PRKAR1B: variants seen among roughly 807,000 people sequenced by gnomAD.
PRKAR1B encodes protein kinase cAMP-dependent type I regulatory subunit beta, also known as cAMP-dependent protein kinase type I-beta regulatory subunit.
Under a neutral mutation model 46.5 loss-of-function variants are expected in PRKAR1B, and 22 were observed. That is an observed-to-expected ratio of 0.47 (90% CI 0.34 to 0.68). The LOEUF (loss-of-function observed/expected upper bound fraction) is 0.68. PRKAR1B is among the 30% of genes least tolerant of loss of function. PRKAR1B has a pLI of 0.01. For synonymous variants in PRKAR1B, 259 were observed against 217.7 expected (o/e 1.19, Z -1.67); for missense variants, 445 against 535.6 (o/e 0.83, Z 1.67).
chr7:605,088 C>G (rs1781935489), intron 6 of PRKAR1B, among the ~76,000 whole-genome samples: 1 of 152,220 alleles, frequency 6.6e-6, no homozygotes, highest in African/African-American at 2.4e-5. Context: ...TGCTGATGCC[C>G]ACTGGGAAGT....
intron 4 of PRKAR1B, among the ~76,000 whole-genome samples, chr7:659,970 G>C (rs1051205088): frequency 6.6e-6 from 1 of 152,024 alleles, no homozygotes; most frequent in Admixed American, 6.5e-5. Flanking sequence ...CCAGTGAGCA[G>C]AAAATGTTTG....
intron 8 of PRKAR1B, among the ~76,000 whole-genome samples, chr7:581,876 C>T (rs1014112535): frequency 6.6e-6 from 1 of 152,050 alleles, no homozygotes; most frequent in Non-Finnish European, 1.5e-5. Context: ...CCACCACACC[C>T]GGCTAACTTT....
At chr7:661,976 G>A (rs866785252) in intron 4 of PRKAR1B, among the ~76,000 whole-genome samples, 70 of 65,114 alleles carry the variant, frequency 1.1e-3, no homozygotes, top group Admixed American at 2.2e-3. Context: ...ACCCCAACGG[G>A]TCCAAATACC....
intron 4 of PRKAR1B, among the ~76,000 whole-genome samples, chr7:663,724 C>T (rs541684164): frequency 4.6e-5 from 7 of 152,270 alleles, no homozygotes; most frequent in East Asian, 3.9e-4. Flanking sequence ...CAGATCCTCA[C>T]CTGGAACTTG....
Position 551,345 on chromosome 7 carries a change from G to C in PRKAR1B, c.973+44C>G, listed in dbSNP as rs371575744. On this transcript the variant is annotated intron_variant, in intron 10 of 10. Coordinates refer to ENST00000537384, the MANE Select transcript of PRKAR1B (RefSeq NM_001164760.2). ...AGGCCCCTCCCGAGACCCCAAATGA[G>C]ATGGCCACAGCCGTGCGAGGGAGGG... The C allele has an allele frequency of 2.5e-4, 390 of 1,535,080 alleles. 1 individual carries two copies. In the African/African-American group the frequency reaches 5.0e-3, roughly 20 times the overall value.
At position 550,476 on chromosome 7, in the gene PRKAR1B, T is replaced by C. The variant is rs1167223035; in HGVS notation, c.1100A>G (p.Lys367Arg). The change falls in exon 11 of 11, where the codon AAG becomes AGG. Residue 367 changes from lysine (K) to arginine (R), a missense_variant. This residue lies in a region of PRKAR1B where 127 missense variants were observed against 138.0 expected (regional missense o/e 0.92). Coordinates refer to ENST00000537384, the MANE Select transcript of PRKAR1B (RefSeq NM_001164760.2). ...GCTGTTGTAACGCTGAATGTTCCTC[T>C]TGAGGATCTCAGAGCAGGGCCCCAG... The part of the protein sequence containing the change: ...RVLGPCSEIL[K>R]RNIQRYNSFI... The C allele has an allele frequency of 4.4e-6, 7 of 1,598,394 alleles. No homozygotes were observed. Among genetic ancestry groups the C allele is most frequent in the Non-Finnish European group, 6.0e-6 (7 of 1,172,992 alleles).
chr7:594,287 C>T (rs577941849), intron 7 of PRKAR1B, among the ~76,000 whole-genome samples: 92 of 152,202 alleles, frequency 6.0e-4, no homozygotes, highest in African/African-American at 2.1e-3. Context: ...GTGGAGGGAA[C>T]CATCCCAAGC....
At chr7:693,898 C>G (rs1426394634) in intron 2 of PRKAR1B, among the ~76,000 whole-genome samples, 2 of 152,214 alleles carry the variant, frequency 1.3e-5, no homozygotes, top group South Asian at 4.1e-4. Context: ...CCCACACCCC[C>G]ACAACATCCA....
At chr7:553,284 T>C (rs1583189528) in intron 9 of PRKAR1B, among the ~76,000 whole-genome samples, 1 of 152,036 alleles carries the variant, frequency 6.6e-6, no homozygotes, top group East Asian at 1.9e-4. Context: ...CCTCAGCAGG[T>C]GTTGATGAAT....
At chr7:567,890 G>A (rs375370848) in intron 9 of PRKAR1B, among the ~76,000 whole-genome samples, 3 of 152,182 alleles carry the variant, frequency 2.0e-5, no homozygotes, top group East Asian at 1.9e-4. Flanking sequence ...GGGGGGTGGG[G>A]AGTGTGTGTT....
intron 4 of PRKAR1B, among the ~76,000 whole-genome samples, chr7:636,030 G>A (rs1784047809): frequency 5.6e-5 from 2 of 35,890 alleles, no homozygotes; most frequent in African/African-American, 1.2e-4. Context: ...TCCACCGGCC[G>A]CGCCCACACG....
chr7:680,707 A>G lies in PRKAR1B; in HGVS notation c.197T>C (p.Leu66Ser). The G allele has an allele frequency of 6.2e-7, 1 of 1,613,882 alleles. No individual in the cohort carries two copies. Among genetic ancestry groups the G allele is most frequent in the South Asian group, 1.1e-5 (1 of 91,066 alleles). Residue 66 changes from leucine to serine, a missense_variant, in exon 3 of 11, where the codon TTG (leucine) becomes TCG (serine). By Grantham distance (145) the Leu-to-Ser change is moderately radical. Around this residue, in one of 5 missense-constraint regions of PRKAR1B, gnomAD observed 155 missense variants for 127.5 expected, o/e 1.22. Coordinates refer to ENST00000537384, the MANE Select transcript of PRKAR1B (RefSeq NM_001164760.2). ...KLEKEENRQI[L>S]ARQKSNSQSD... The stretch of plus-strand genomic sequence containing the variant: ...CTGTGAGTTTGACTTTTGCCGCGCC[A>G]AAATCTGCCTGTTTTCTTCCTGTGT...
intron 4 of PRKAR1B, among the ~76,000 whole-genome samples, chr7:662,246 A>G (rs1332286547): frequency 2.4e-5 from 1 of 41,806 alleles, no homozygotes; most frequent in Non-Finnish European, 4.4e-5. Context: ...TCTCCCCCAC[A>G]TGGCACAGGT....
intron 7 of PRKAR1B, 52 bp downstream of exon 7, chr7:596,094 C>T (rs545064573): frequency 6.3e-5 from 100 of 1,578,190 alleles, no homozygotes; most frequent in South Asian, 2.5e-4. Flanking sequence ...TTCCCAGGGA[C>T]GCCTGGCCAA....
At chr7:610,675 C>T (rs996982877) in intron 4 of PRKAR1B, among the ~76,000 whole-genome samples, 1 of 152,178 alleles carries the variant, frequency 6.6e-6, no homozygotes, top group African/African-American at 2.4e-5. Flanking sequence ...CACGGCTTCA[C>T]CCTCTTTTTC....
chr7:683,608 C>G (rs1040621071), intron 2 of PRKAR1B, among the ~76,000 whole-genome samples: 2 of 152,254 alleles, frequency 1.3e-5, no homozygotes, highest in Non-Finnish European at 2.9e-5. Flanking sequence ...CAGCCGCCAT[C>G]CATCCTGTGG....
chr7:625,585 C>T (rs1238112057), intron 4 of PRKAR1B, among the ~76,000 whole-genome samples: 1 of 150,566 alleles, frequency 6.6e-6, no homozygotes, highest in African/African-American at 2.5e-5. Flanking sequence ...ACAAGGGGCA[C>T]CGCTACAGGT....
chr7:582,921 T>G (rs1780279593), intron 8 of PRKAR1B, among the ~76,000 whole-genome samples: 1 of 152,224 alleles, frequency 6.6e-6, no homozygotes. Flanking sequence ...CGTTTTGTGT[T>G]TCCAAGTATG....
At chr7:683,730 C>T (rs1778832519) in intron 2 of PRKAR1B, among the ~76,000 whole-genome samples, 1 of 152,222 alleles carries the variant, frequency 6.6e-6, no homozygotes, top group Admixed American at 6.5e-5. Flanking sequence ...GGCCTCAAGC[C>T]CCACTCCTGG....
Sources: allele counts gnomAD v4.1 joint callset (sites outside exome capture counted in the v4.1 genomes callset), GRCh38; gene constraint gnomAD v4.1.1; regional missense constraint gnomAD v4.1.1; transcripts MANE v1.5; gene names NCBI Gene and HGNC (gene_info 2026-07-23, HGNC 2026-07-21).